KHDRBS3: variants seen among roughly 807,000 people sequenced by gnomAD.
The protein encoded by KHDRBS3 is KH domain-containing, RNA-binding, signal transduction-associated protein 3.
A neutral mutation model predicts 45.6 loss-of-function variants in KHDRBS3; 23 were observed. The ratio of observed to expected loss-of-function variants is 0.50; its 90% confidence interval spans 0.36 to 0.72. KHDRBS3 has a LOEUF of 0.72. Ranked by LOEUF, KHDRBS3 falls within the 30% of genes least tolerant of loss-of-function variation. KHDRBS3 has a pLI of 0.00. For synonymous variants in KHDRBS3, 162 were observed against 156.5 expected, an observed-to-expected ratio of 1.04 and a Z score of -0.26; for missense variants, 352 against 424.8, an observed-to-expected ratio of 0.83 and a Z score of 1.51.
intron 5 of KHDRBS3, among the ~76,000 whole-genome samples, chr8:135,569,827 G>C (rs1379984874): frequency 6.6e-6 from 1 of 152,092 alleles, no homozygotes; most frequent in Non-Finnish European, 1.5e-5. Flanking sequence ...GGAGTGCCAG[G>C]CTGCAAAGAC....
intron 6 of KHDRBS3, among the ~76,000 whole-genome samples, chr8:135,596,428 T>C (rs1023076314): frequency 6.6e-6 from 1 of 152,220 alleles, no homozygotes; most frequent in African/African-American, 2.4e-5. Context: ...AGAGAAGCTA[T>C]ACTTCCAGAG....
At chr8:135,518,364 G>C (rs1250612658) in intron 1 of KHDRBS3, among the ~76,000 whole-genome samples, 7 of 151,894 alleles carry the variant, frequency 4.6e-5, no homozygotes, top group Non-Finnish European at 1.5e-5. Context: ...TAGTAGAGAC[G>C]GGGGTTTCAC....
At position 135,467,375 on chromosome 8, in the gene KHDRBS3, A is replaced by G. The variant is rs987498742; in HGVS notation, c.88+9421A>G. Among the ~76,000 whole-genome samples, 12 of 152,250 alleles carry G rather than the reference A, an allele frequency of 7.9e-5. 1 individual carries two copies. The East Asian group carries it at 2.3e-3, about 29-fold the overall frequency. ...ATCCAAATTAGGAAGTTTAACAACC[A>G]CACAGTGCTGTTATCTCATCTACAG... On this transcript the variant is annotated intron_variant, in intron 1 of 8. Coordinates refer to ENST00000355849, the MANE Select transcript of KHDRBS3 (RefSeq NM_006558.3).
intron 6 of KHDRBS3, among the ~76,000 whole-genome samples, chr8:135,600,508 T>C (rs1829160760): frequency 1.3e-5 from 2 of 152,206 alleles, no homozygotes; most frequent in Admixed American, 1.3e-4. Flanking sequence ...CAGAAAGCAC[T>C]GATTTTTCTC....
At chr8:135,588,330 G>T (rs1244819536) in intron 6 of KHDRBS3, among the ~76,000 whole-genome samples, 1 of 152,166 alleles carries the variant, frequency 6.6e-6, no homozygotes, top group Non-Finnish European at 1.5e-5. Context: ...AGGTGTTGGG[G>T]AGGGCATTCC....
chr8:135,557,608 A>T, intron 5 of KHDRBS3, 21 bp downstream of exon 5: 1 of 1,581,846 alleles, frequency 6.3e-7, no homozygotes, highest in Non-Finnish European at 8.7e-7. Flanking sequence ...ATTTTTTTTT[A>T]GGTTAACATA....
At chr8:135,641,439 C>T (rs896505132) in intron 7 of KHDRBS3, among the ~76,000 whole-genome samples, 2 of 152,200 alleles carry the variant, frequency 1.3e-5, no homozygotes, top group African/African-American at 2.4e-5. Context: ...TTCTCAAGAA[C>T]ATCAAGGTTG....
chr8:135,476,369 C>T (rs779560619), intron 1 of KHDRBS3, among the ~76,000 whole-genome samples: 1 of 152,098 alleles, frequency 6.6e-6, no homozygotes, highest in Non-Finnish European at 1.5e-5. Flanking sequence ...GTCTTGAACT[C>T]CTGACCTCGT....
At chr8:135,483,159 G>A (rs538912484) in intron 1 of KHDRBS3, among the ~76,000 whole-genome samples, 1 of 152,010 alleles carries the variant, frequency 6.6e-6, no homozygotes, top group Non-Finnish European at 1.5e-5. Flanking sequence ...TTTCTCTATC[G>A]AATTGTATTT....
At chr8:135,575,746 G>T (rs7831761) in intron 5 of KHDRBS3, among the ~76,000 whole-genome samples, 2 of 151,892 alleles carry the variant, frequency 1.3e-5, no homozygotes, top group African/African-American at 4.8e-5. Context: ...CCTGCATGTG[G>T]TTTTTCTCTA....
chr8:135,632,152 A>G (rs560109880), intron 7 of KHDRBS3, among the ~76,000 whole-genome samples: 4 of 152,216 alleles, frequency 2.6e-5, no homozygotes, highest in East Asian at 3.9e-4. Context: ...ATCTTCTTCT[A>G]CTTTCTCTTG....
chr8:135,531,951 G>A (rs1586672659), intron 2 of KHDRBS3, among the ~76,000 whole-genome samples: 1 of 152,180 alleles, frequency 6.6e-6, no homozygotes, highest in Non-Finnish European at 1.5e-5. Flanking sequence ...AGTTTGGAAT[G>A]ACTTATTCTT....
At chr8:135,483,365 C>T (rs1239747921) in intron 1 of KHDRBS3, among the ~76,000 whole-genome samples, 2 of 152,156 alleles carry the variant, frequency 1.3e-5, no homozygotes, top group African/African-American at 2.4e-5. Context: ...CAAGTAAACA[C>T]ATTCTGCTGC....
Position 135,459,003 on chromosome 8 carries a change from T to C in KHDRBS3, c.88+1049T>C, listed in dbSNP as rs78609071. On this transcript the variant is annotated intron_variant, in intron 1 of 8. Coordinates refer to ENST00000355849, the MANE Select transcript of KHDRBS3 (RefSeq NM_006558.3). The stretch of plus-strand genomic sequence containing the variant: ...TGGGTGTGGGTGCCACTGGTCTGTC[T>C]TTTCTCTGGGAAATGGCAGCAACAT... 5.1e-3 allele frequency: 2,301 copies of C among 455,602 alleles called. 29 individuals are homozygous for C. Among genetic ancestry groups the C allele is most frequent in the African/African-American group, 0.037 (1,846 of 50,130 alleles). 28.2% of individuals were successfully genotyped at this position (455,602 alleles called of 1,614,324 possible). A position where few individuals can be genotyped will look rare whatever the true frequency, so the allele number is the denominator to read the frequency against.
chr8:135,620,127 T>C (rs944379158), intron 7 of KHDRBS3, among the ~76,000 whole-genome samples: 1 of 151,512 alleles, frequency 6.6e-6, no homozygotes, highest in Non-Finnish European at 1.5e-5. Flanking sequence ...GGCTGGTATA[T>C]AGTGGCGTGA....
At chr8:135,505,856 G>T (rs533095633) in intron 1 of KHDRBS3, among the ~76,000 whole-genome samples, 1 of 149,366 alleles carries the variant, frequency 6.7e-6, no homozygotes, top group Non-Finnish European at 1.5e-5. Flanking sequence ...CACTGTAACT[G>T]CTAGAGTTTA....
chr8:135,650,780 T>A (rs1831413189), downstream of KHDRBS3, among the ~76,000 whole-genome samples: 1 of 152,224 alleles, frequency 6.6e-6, no homozygotes, highest in African/African-American at 2.4e-5. Flanking sequence ...AGCATTGTGA[T>A]AACTGCCCCC....
intron 7 of KHDRBS3, among the ~76,000 whole-genome samples, chr8:135,623,719 A>G (rs1830246175): frequency 6.6e-6 from 1 of 152,204 alleles, no homozygotes; most frequent in African/African-American, 2.4e-5. Context: ...CAAAAGAGAA[A>G]TAGCACCACT....
intron 1 of KHDRBS3, among the ~76,000 whole-genome samples, chr8:135,497,402 C>G (rs906360911): frequency 1.3e-5 from 2 of 152,148 alleles, no homozygotes; most frequent in Non-Finnish European, 1.5e-5. Context: ...TTTTCTGCCT[C>G]TTCATCGCTA....
Sources: allele counts gnomAD v4.1 joint callset (sites outside exome capture counted in the v4.1 genomes callset), GRCh38; gene constraint gnomAD v4.1.1; transcripts MANE v1.5; gene names NCBI Gene and HGNC (gene_info 2026-07-23, HGNC 2026-07-21).